Variants in FSTL5 observed in about 807,000 individuals in gnomAD.
The protein encoded by FSTL5 is follistatin like 5.
Under a neutral mutation model 89.1 loss-of-function variants are expected in FSTL5, and 62 were observed. The observed-to-expected ratio is 0.70, with a 90% CI of 0.57 to 0.86. The LOEUF is 0.86. Ranked by LOEUF, FSTL5 falls within the 40% of genes least tolerant of loss-of-function variation. The pLI, the probability that FSTL5 is intolerant of heterozygous loss-of-function variation, is 0.00. For missense variants in FSTL5, 1,057 were observed against 1,001.6 expected, an observed-to-expected ratio of 1.06 and a Z score of -0.75; for synonymous variants, 383 against 346.2, an observed-to-expected ratio of 1.11 and a Z score of -1.18.
chr4:161,400,813 C>A (rs574014627), intron 15 of FSTL5, among the ~76,000 whole-genome samples: 2 of 152,128 alleles, frequency 1.3e-5, no homozygotes, highest in South Asian at 2.1e-4. Flanking sequence ...GAAAACAATT[C>A]TATGGTAAAA....
intron 15 of FSTL5, among the ~76,000 whole-genome samples, chr4:161,429,151 C>CTT (rs1199804713): frequency 1.3e-5 from 2 of 152,000 alleles, no homozygotes; most frequent in East Asian, 2.0e-4. Flanking sequence ...CTGGGAAGGG[C>CTT]TTTTTTGTGT....
intron 4 of FSTL5, among the ~76,000 whole-genome samples, chr4:161,905,277 C>G (rs1282012426): frequency 6.6e-6 from 1 of 151,960 alleles, no homozygotes; most frequent in Non-Finnish European, 1.5e-5. Flanking sequence ...ACAGTATTGT[C>G]TTTGCTTAAC....
chr4:161,945,974 T>C (rs1734722859), intron 3 of FSTL5, among the ~76,000 whole-genome samples: 1 of 152,158 alleles, frequency 6.6e-6, no homozygotes, highest in Admixed American at 6.5e-5. Context: ...TAAATTTTCC[T>C]AATGATCTTC....
chr4:161,386,106 C>T lies in FSTL5; in HGVS notation c.2185G>A (p.Glu729Lys). ...QYITIRGEIQ[E>K]AFDIYTNLHI... ...AGATTTGTGTAAATATCAAAAGCCT[C>T]CTGTATTTCTCCTCTGATGGTAATG... is the stretch of plus-strand genomic sequence containing the variant. The change falls in exon 16 of 16, where the codon GAG (glutamate) becomes AAG (lysine). Residue 729 changes from glutamate to lysine, a missense_variant. This residue lies in a region of FSTL5 where 980 missense variants were observed against 903.2 expected (regional missense o/e 1.08). Transcript: ENST00000306100. 1.9e-6 allele frequency: 3 copies of T among 1,613,982 alleles called. No homozygotes were observed. Among genetic ancestry groups the T allele is most frequent in the Non-Finnish European group, 2.5e-6 (3 of 1,179,974 alleles).
chr4:162,019,426 T>A (rs1737006058), intron 3 of FSTL5, among the ~76,000 whole-genome samples: 1 of 152,044 alleles, frequency 6.6e-6, no homozygotes, highest in African/African-American at 2.4e-5. Flanking sequence ...GGATTATACC[T>A]TATAAAAAAT....
At chr4:161,778,877 T>C (rs1454030747) in intron 4 of FSTL5, among the ~76,000 whole-genome samples, 1 of 152,100 alleles carries the variant, frequency 6.6e-6, no homozygotes, top group African/African-American at 2.4e-5. Context: ...AGGAGAGAAA[T>C]GTGTGATGAA....
rs1202887558 is a variant in FSTL5 at position 161,664,015 on chromosome 4, C to T, written c.728-7521G>A. On this transcript the variant is annotated intron_variant, in intron 6 of 15. Coordinates refer to ENST00000306100, the MANE Select transcript of FSTL5 (RefSeq NM_020116.5). ...GGCCCCTTTCAGCCACAGCTGGAGC[C>T]GGTGAGACACAGAGCAACAAGTCCC... 4.6e-5 allele frequency among the ~76,000 whole-genome samples: 7 copies of T among 152,154 alleles called. No homozygotes were observed. The South Asian group carries it at 8.3e-4, about 18-fold the overall frequency.
intron 3 of FSTL5, among the ~76,000 whole-genome samples, chr4:161,929,286 G>T (rs1383743288): frequency 6.7e-6 from 1 of 150,354 alleles, no homozygotes; most frequent in Non-Finnish European, 1.5e-5. Context: ...AATGGTATGG[G>T]TCTGTTTCTG....
intron 12 of FSTL5, among the ~76,000 whole-genome samples, chr4:161,486,098 C>G (rs558958937): frequency 1.4e-5 from 2 of 144,662 alleles, no homozygotes; most frequent in East Asian, 4.1e-4. Flanking sequence ...GAGCCGAGAT[C>G]GCAGCACTGC....
intron 6 of FSTL5, among the ~76,000 whole-genome samples, chr4:161,710,295 A>G (rs556427650): frequency 1.3e-5 from 2 of 152,270 alleles, no homozygotes; most frequent in Admixed American, 1.3e-4. Context: ...AGTCTAAATA[A>G]TATACTTTTT....
At chr4:162,070,210 T>G (rs776437345) in intron 2 of FSTL5, among the ~76,000 whole-genome samples, 1 of 151,928 alleles carries the variant, frequency 6.6e-6, no homozygotes, top group African/African-American at 2.4e-5. Context: ...ATTTTTTGTT[T>G]GTTTGTTGTT....
intron 4 of FSTL5, among the ~76,000 whole-genome samples, chr4:161,864,870 CA>C (rs10636039): frequency 0.48 from 43,469 of 90,890 alleles, 6,787 homozygotes; most frequent in East Asian, 0.56. Flanking sequence ...GACTTCGTCT[CA>C]AAAAAAAAAA....
At chr4:161,550,211 G>T (rs1026875184) in intron 8 of FSTL5, among the ~76,000 whole-genome samples, 1 of 151,740 alleles carries the variant, frequency 6.6e-6, no homozygotes, top group African/African-American at 2.4e-5. Flanking sequence ...GACCTTCAAA[G>T]CTCTAAGTAC....
intron 15 of FSTL5, among the ~76,000 whole-genome samples, chr4:161,404,453 G>A (rs1010126950): frequency 6.6e-6 from 1 of 152,162 alleles, no homozygotes. Flanking sequence ...GTAGACTCAT[G>A]TAAACAGGAA....
At chr4:161,955,620 C>T (rs994654) in intron 3 of FSTL5, among the ~76,000 whole-genome samples, 62,512 of 151,328 alleles carry the variant, frequency 0.41, 14,255 homozygotes, top group Non-Finnish European at 0.5. Context: ...AAATCAAAAA[C>T]TAAGCAACAA....
At position 161,385,992 on chromosome 4, in the gene FSTL5, G is replaced by A; in HGVS notation, c.2299C>T (p.Leu767Phe). ...TTCCCAGAAGAGAGCTCCACAAAGA[G>A]CACATCAGTTTGTGTGCTTGAACTA... is the stretch of plus-strand genomic sequence containing the variant. ...YGSSSTQTDV[L>F]FVELSSGKVK... Residue 767 changes from leucine (L) to phenylalanine (F), a missense_variant, in exon 16 of 16, where the codon CTC becomes TTC. Leu to Phe is a conservative substitution (Grantham distance 22). Around this residue, in one of 3 missense-constraint regions of FSTL5, gnomAD observed 9 missense variants for 25.0 expected, o/e 0.36. Transcript: ENST00000306100. The A allele has an allele frequency of 6.2e-7, 1 of 1,614,000 alleles. No individual in the cohort carries two copies. Among genetic ancestry groups the A allele is most frequent in the Non-Finnish European group, 8.5e-7 (1 of 1,179,954 alleles).
chr4:161,837,509 T>C (rs359123), intron 4 of FSTL5, among the ~76,000 whole-genome samples: 149,610 of 152,144 alleles, frequency 0.98, 73,602 homozygotes, highest in Non-Finnish European at 1. Context: ...AGAGGGCATT[T>C]CACTAGTTTG....
At chr4:162,139,280 A>G (rs1165232421) in intron 1 of FSTL5, among the ~76,000 whole-genome samples, 1 of 151,966 alleles carries the variant, frequency 6.6e-6, no homozygotes, top group Non-Finnish European at 1.5e-5. Flanking sequence ...TATTATCTCT[A>G]TCTTTATGGC....
At chr4:161,743,863 G>A (rs889902909) in intron 6 of FSTL5, among the ~76,000 whole-genome samples, 2 of 152,110 alleles carry the variant, frequency 1.3e-5, no homozygotes, top group African/African-American at 4.8e-5. Flanking sequence ...TCAACAGGAA[G>A]AATTATGCAG....
Sources: allele counts gnomAD v4.1 joint callset (sites outside exome capture counted in the v4.1 genomes callset), GRCh38; gene constraint gnomAD v4.1.1; regional missense constraint gnomAD v4.1.1; transcripts MANE v1.5; gene names NCBI Gene and HGNC (gene_info 2026-07-23, HGNC 2026-07-21).